The following NCAPH2 variants were observed in gnomAD, a reference collection of about 807,000 sequenced individuals.
The protein encoded by NCAPH2 is condensin-2 complex subunit H2.
NCAPH2 carries 56 observed loss-of-function variants against 88.6 expected under a neutral mutation model. The ratio of observed to expected loss-of-function variants is 0.63; its 90% confidence interval spans 0.51 to 0.79. NCAPH2 has a LOEUF of 0.79. NCAPH2 is among the 30% of genes least tolerant of loss of function. The pLI, the probability that NCAPH2 is intolerant of heterozygous loss-of-function variation, is 0.00. For missense variants in NCAPH2, 794 were observed against 792.0 expected (o/e 1.00, Z -0.03); for synonymous variants, 378 against 313.6 (o/e 1.21, Z -2.17).
At chr22:50,516,146 G>T (rs2068915776) in intron 1 of NCAPH2, among the ~76,000 whole-genome samples, 1 of 152,280 alleles carries the variant, frequency 6.6e-6, no homozygotes, top group South Asian at 2.1e-4. Context: ...CTTCCTGCTG[G>T]AGTCTGTCAG....
At chr22:50,511,716 G>A (rs2068789391) in intron 1 of NCAPH2, among the ~76,000 whole-genome samples, 1 of 146,020 alleles carries the variant, frequency 6.8e-6, no homozygotes, top group Non-Finnish European at 1.5e-5. Flanking sequence ...CACAATCTCG[G>A]CTCACTGCAA....
At chr22:50,515,524 G>A (rs1468166193) in intron 1 of NCAPH2, among the ~76,000 whole-genome samples, 1 of 152,110 alleles carries the variant, frequency 6.6e-6, no homozygotes, top group South Asian at 2.1e-4. Context: ...AGCCTCCCGA[G>A]TAGCTGGGAC....
intron 10 of NCAPH2, 28 bp downstream of exon 10, chr22:50,521,064 G>A: frequency 3.2e-6 from 5 of 1,548,056 alleles, no homozygotes; most frequent in Non-Finnish European, 4.4e-6. Context: ...CTGACCCCCG[G>A]CAGGGAGGGA....
At chr22:50,511,005 C>T (rs2068766872) in intron 1 of NCAPH2, among the ~76,000 whole-genome samples, 1 of 151,628 alleles carries the variant, frequency 6.6e-6, no homozygotes, top group Non-Finnish European at 1.5e-5. Context: ...TGCCACCACA[C>T]CCGGCTAATG....
In NCAPH2 at chr22:50,519,303, T is replaced by G. The variant is rs2069017735; in HGVS notation, c.844T>G (p.Ser282Ala). Residue 282 changes from serine to alanine, a missense_variant, in exon 9 of 20, where the codon TCC becomes GCC. By Grantham distance (99) the Ser-to-Ala change is moderately conservative (BLOSUM62 1). Around this residue, in one of 2 missense-constraint regions of NCAPH2, gnomAD observed 735 missense variants for 696.3 expected, o/e 1.06. Transcript: ENST00000420993. Reference sequence around the variant, plus strand: ...CAAGGCCGCTCTGGAGCCCAAGGAGTCCAGGAGCCCGCAGCAGGTGGGACC... The same window carrying G: ...CAAGGCCGCTCTGGAGCCCAAGGAGGCCAGGAGCCCGCAGCAGGTGGGACC... Reference protein sequence around the residue: ...APKAALEPKESRSPQQSAALP... With the variant: ...APKAALEPKEARSPQQSAALP... The G allele has an allele frequency of 6.2e-7, 1 of 1,607,606 alleles. No homozygotes were observed. Among genetic ancestry groups the G allele is most frequent in the South Asian group, 1.1e-5 (1 of 89,832 alleles).
intron 1 of NCAPH2, among the ~76,000 whole-genome samples, chr22:50,516,198 TG>T: frequency 6.6e-6 from 1 of 152,274 alleles, no homozygotes; most frequent in Non-Finnish European, 1.5e-5. Flanking sequence ...CTGCCCTGGT[TG>T]TTTGTAGACA....
Position 50,522,867 on chromosome 22 carries a change from TGAG to T in NCAPH2, c.1473_1475del (p.Ser492del). 1 of 1,613,454 alleles carries T rather than the reference TGAG, an allele frequency of 6.2e-7. No homozygotes were observed. Among genetic ancestry groups the T allele is most frequent in the Non-Finnish European group, 8.5e-7 (1 of 1,179,980 alleles). ...CAGAAGTTTGTCCAGGAGACAGAGC[TGAG>T]CCAGCGCATCAGGGACTGGGAGGAC... On this transcript the variant is annotated inframe_deletion, in exon 18 of 20. Transcript: ENST00000420993.
chr22:50,516,853 A>G (rs1051793701), intron 2 of NCAPH2, among the ~76,000 whole-genome samples: 1 of 151,888 alleles, frequency 6.6e-6, no homozygotes, highest in Admixed American at 6.6e-5. Context: ...CCCGTCCCCT[A>G]CTTGTGGGTG....
chr22:50,521,117 C>G, intron 10 of NCAPH2, 81 bp downstream of exon 10: 5 of 1,474,882 alleles, frequency 3.4e-6, no homozygotes, highest in East Asian at 4.9e-5. Context: ...CATGCTCTTG[C>G]TCCTGCTGGC....
intron 3 of NCAPH2, 46 bp from the exon 4 acceptor site, chr22:50,517,531 G>A (rs374588731): frequency 4.9e-5 from 79 of 1,613,804 alleles, no homozygotes; most frequent in African/African-American, 6.7e-5. Context: ...GGCCAGGGAG[G>A]CCCCTGCAGC....
intron 2 of NCAPH2, 81 bp downstream of exon 2, chr22:50,516,629 T>A: frequency 7.6e-7 from 1 of 1,316,718 alleles, no homozygotes; most frequent in Non-Finnish European, 1.1e-6. Flanking sequence ...GCAGGTGCAG[T>A]GGTCGTCCCG....
intron 7 of NCAPH2, 118 bp from the exon 8 acceptor site, chr22:50,518,531 C>G (rs1241226394): frequency 8.8e-7 from 1 of 1,138,992 alleles, no homozygotes; most frequent in Non-Finnish European, 1.2e-6. Context: ...AGCCCAAGGC[C>G]TGGAGTCTGC....
At chr22:50,512,207 A>G (rs967766601) in intron 1 of NCAPH2, among the ~76,000 whole-genome samples, 5 of 152,262 alleles carry the variant, frequency 3.3e-5, no homozygotes, top group African/African-American at 9.6e-5. Context: ...TGCCTGGCAC[A>G]TAGGTGTGGA....
intron 8 of NCAPH2, 106 bp from the exon 9 acceptor site, chr22:50,519,082 CTG>C (rs1464649883): frequency 8.9e-7 from 1 of 1,129,634 alleles, no homozygotes; most frequent in Non-Finnish European, 1.2e-6. Context: ...GCCAAATCCT[CTG>C]GGCTCCGTGA....
intron 9 of NCAPH2, chr22:50,519,863 CTGTTTG>C: frequency 1.4e-6 from 1 of 713,386 alleles, no homozygotes; most frequent in South Asian, 6.3e-5. Context: ...CCCGTGACCA[CTGTTTG>C]TGTTTTCTGT....
chr22:50,511,374 C>T (rs1041066585), intron 1 of NCAPH2, among the ~76,000 whole-genome samples: 8 of 143,160 alleles, frequency 5.6e-5, no homozygotes, highest in South Asian at 2.1e-4. Context: ...ACTGCAAGCT[C>T]CACCTCCTGG....
At chr22:50,514,222 T>G (rs1420246515) in intron 1 of NCAPH2, among the ~76,000 whole-genome samples, 1 of 152,074 alleles carries the variant, frequency 6.6e-6, no homozygotes, top group Admixed American at 6.5e-5. Flanking sequence ...TGGCTCCGTT[T>G]AGGATTTTGG....
rs1374296679 is a variant in NCAPH2, at chr22:50,522,668, C to T, written c.1376-3C>T. 6.2e-7 allele frequency: 1 copy of T among 1,613,720 alleles called. No individual in the cohort carries two copies. Among genetic ancestry groups the T allele is most frequent in the Non-Finnish European group, 8.5e-7 (1 of 1,179,994 alleles). ...TGCCCAGCTCACAGCTACCCCTTCC[C>T]AGACGCAGTGCCGATGTCCCTGAGC... On this transcript the variant is annotated splice_region_variant and splice_polypyrimidine_tract_variant and intron_variant, in intron 16 of 19. Coordinates refer to ENST00000420993, the MANE Select transcript of NCAPH2 (RefSeq NM_152299.4).
Position 50,521,735 on chromosome 22 carries a change from C to A in NCAPH2, c.1001-6C>A, listed in dbSNP as rs2069105436. On this transcript the variant is annotated splice_polypyrimidine_tract_variant and splice_region_variant and intron_variant, in intron 11 of 19. Transcript: ENST00000420993. ...CGGCTCTAAGACAGTCCCTGTTTGC[C>A]CCCAGGTAGGCCTTACTCTGTGCCC... The A allele has an allele frequency of 6.2e-7, 1 of 1,613,830 alleles. No homozygotes were observed. Among genetic ancestry groups the A allele is most frequent in the African/African-American group, 1.3e-5 (1 of 75,058 alleles).
Sources: gnomAD v4.1 joint callset for allele counts (sites outside exome capture counted in the v4.1 genomes callset) on GRCh38, gnomAD v4.1.1 for gene constraint, gnomAD v4.1.1 regional missense constraint, MANE v1.5 for transcripts, NCBI Gene and HGNC (gene_info 2026-07-23, HGNC 2026-07-21) for gene names.